Variants in PTBP3 observed in about 807,000 individuals in gnomAD.
PTBP3 encodes the protein polypyrimidine tract binding protein 3.
Under a neutral mutation model 58.7 loss-of-function variants are expected in PTBP3, and 20 were observed. The observed-to-expected ratio is 0.34, with a 90% CI of 0.24 to 0.50. The LOEUF is 0.50. Ranked by LOEUF, PTBP3 falls within the 20% of genes least tolerant of loss-of-function variation. The pLI, the probability that PTBP3 is intolerant of heterozygous loss-of-function variation, is 0.98. For missense variants in PTBP3, 509 were observed against 637.2 expected, an observed-to-expected ratio of 0.80 and a Z score of 2.17; for synonymous variants, 185 against 219.8, an observed-to-expected ratio of 0.84 and a Z score of 1.40.
chr9:112,284,651 G>A (rs191743781), intron 2 of PTBP3, among the ~76,000 whole-genome samples: 20 of 152,246 alleles, frequency 1.3e-4, no homozygotes, highest in Non-Finnish European at 1.9e-4. Context: ...TGCCAAGATC[G>A]TGCCACTGCA....
intron 7 of PTBP3, among the ~76,000 whole-genome samples, chr9:112,244,518 T>A (rs10981326): frequency 0.31 from 46,003 of 149,472 alleles, 7,432 homozygotes; most frequent in South Asian, 0.41. Flanking sequence ...TACAAAAAAA[T>A]TTTTTTTTTA....
chr9:112,280,786 CATATAT>C (rs3032063), intron 2 of PTBP3, among the ~76,000 whole-genome samples: 3 of 149,990 alleles, frequency 2.0e-5, no homozygotes, highest in East Asian at 2.0e-4. Context: ...TGTGTGTGTG[CATATAT>C]ATATATATAG....
At chr9:112,360,492 G>A in the PTBP3 span, among the ~76,000 whole-genome samples, 5 of 152,158 alleles carry the variant, frequency 3.3e-5, no homozygotes, top group Non-Finnish European at 5.9e-5. Flanking sequence ...GGCTCACAAG[G>A]ATTTCTCAGG....
the PTBP3 span, among the ~76,000 whole-genome samples, chr9:112,345,193 T>C: frequency 6.6e-6 from 1 of 151,700 alleles, no homozygotes; most frequent in East Asian, 1.9e-4. Context: ...GAGCTAAGCA[T>C]GGTGGCACAC....
At chr9:112,267,168 CT>C (rs59575179) in intron 4 of PTBP3, among the ~76,000 whole-genome samples, 8,513 of 137,488 alleles carry the variant, frequency 0.062, 250 homozygotes, top group African/African-American at 0.12. Flanking sequence ...AACCCACTTT[CT>C]TTTTTTTTTT....
At chr9:112,269,778 G>A (rs1215526259) in intron 3 of PTBP3, among the ~76,000 whole-genome samples, 1 of 152,090 alleles carries the variant, frequency 6.6e-6, no homozygotes, top group African/African-American at 2.4e-5. Flanking sequence ...GTAAAATGGT[G>A]ATCAATACTC....
chr9:112,273,302 C>T (rs1827467521), intron 3 of PTBP3, among the ~76,000 whole-genome samples: 1 of 152,144 alleles, frequency 6.6e-6, no homozygotes, highest in South Asian at 2.1e-4. Context: ...AGCCATTATC[C>T]ACTTGTGTCA....
intron 1 of PTBP3, among the ~76,000 whole-genome samples, chr9:112,324,682 G>C (rs1259054998): frequency 1.4e-5 from 2 of 145,490 alleles, no homozygotes; most frequent in Non-Finnish European, 3.0e-5. Flanking sequence ...AACTTTAAAA[G>C]AATAGACAAA....
Position 112,293,157 on chromosome 9 carries a change from T to C in PTBP3, c.34+4675A>G, listed in dbSNP as rs545606507. Among the ~76,000 whole-genome samples, 4 of 152,310 alleles carry C rather than the reference T, an allele frequency of 2.6e-5. No homozygotes were observed. In the East Asian group the frequency reaches 7.7e-4, roughly 29 times the overall value. Reference sequence around the variant, plus strand: ...ACGATATACTATATTTATTGGCTTATTCATATAAAGTTTAAAAACACAAAA... The same window carrying C: ...ACGATATACTATATTTATTGGCTTACTCATATAAAGTTTAAAAACACAAAA... On this transcript the variant is annotated intron_variant, in intron 2 of 13. Transcript: ENST00000374257.
At chr9:112,249,371 T>C (rs1399672334) in intron 7 of PTBP3, among the ~76,000 whole-genome samples, 1 of 152,136 alleles carries the variant, frequency 6.6e-6, no homozygotes, top group Non-Finnish European at 1.5e-5. Flanking sequence ...AAGGACATAG[T>C]GCTTATGACT....
intron 2 of PTBP3, among the ~76,000 whole-genome samples, chr9:112,280,779 G>A (rs1447695852): frequency 1.9e-5 from 1 of 52,996 alleles, no homozygotes; most frequent in African/African-American, 1.1e-4. Flanking sequence ...GTGTGTGTGT[G>A]TGTGTGCATA....
At chr9:112,351,181 C>G in the PTBP3 span, among the ~76,000 whole-genome samples, 1 of 152,176 alleles carries the variant, frequency 6.6e-6, no homozygotes, top group Non-Finnish European at 1.5e-5. Flanking sequence ...AGGATCCCCT[C>G]CAAGATACCA....
the PTBP3 span, among the ~76,000 whole-genome samples, chr9:112,341,079 TGTG>T: frequency 2.0e-5 from 3 of 152,050 alleles, no homozygotes; most frequent in African/African-American, 7.2e-5. Context: ...TTGGATTTCT[TGTG>T]GGGTTTTTTG....
chr9:112,372,252 AT>A, the PTBP3 span, among the ~76,000 whole-genome samples: 1 of 151,720 alleles, frequency 6.6e-6, no homozygotes, highest in Non-Finnish European at 1.5e-5. Context: ...AATTAAAAGA[AT>A]TTTTTTTGTA....
chr9:112,375,615 CA>C, the PTBP3 span, among the ~76,000 whole-genome samples: 13 of 152,286 alleles, frequency 8.5e-5, no homozygotes, highest in Admixed American at 2.6e-4. Context: ...GCAAAGAAGG[CA>C]GGGTGGCACG....
upstream of PTBP3, among the ~76,000 whole-genome samples, chr9:112,335,537 G>T (rs1261637993): frequency 6.7e-6 from 1 of 148,768 alleles, no homozygotes; most frequent in African/African-American, 2.5e-5. Flanking sequence ...ACCCACCTCA[G>T]CCTCCCAAAG....
chr9:112,227,279 A>C, intron 12 of PTBP3, 132 bp downstream of exon 12: 1 of 866,038 alleles, frequency 1.2e-6, no homozygotes, highest in Non-Finnish European at 1.8e-6. Context: ...ATGGCAAATA[A>C]ATTGTCTTAT....
intron 3 of PTBP3, among the ~76,000 whole-genome samples, 178 bp from the exon 4 acceptor site, chr9:112,268,373 A>G (rs1001280965): frequency 4.6e-5 from 7 of 152,186 alleles, no homozygotes; most frequent in East Asian, 1.9e-4. Context: ...ACGTTAATTA[A>G]AAACATCTAA....
At chr9:112,298,584 G>A in intron 1 of PTBP3, 1 of 508,436 alleles carries the variant, frequency 2.0e-6, no homozygotes, top group East Asian at 5.6e-5. Flanking sequence ...TAAATACTAT[G>A]TACAAAGTTA....
Sources: allele counts gnomAD v4.1 joint callset (sites outside exome capture counted in the v4.1 genomes callset), GRCh38; gene constraint gnomAD v4.1.1; transcripts MANE v1.5; gene names NCBI Gene and HGNC (gene_info 2026-07-23, HGNC 2026-07-21).